The following ADGRB1 variants were observed in gnomAD, a reference collection of about 807,000 sequenced individuals.
ADGRB1 encodes the protein brain-specific angiogenesis inhibitor 1.
Under a neutral mutation model 175.7 loss-of-function variants are expected in ADGRB1, and 36 were observed. That is an observed-to-expected ratio of 0.20 (90% CI 0.16 to 0.27). ADGRB1 has a LOEUF of 0.27. Ranked by LOEUF, ADGRB1 falls within the 10% of genes least tolerant of loss-of-function variation. The pLI is 1.00. For missense variants in ADGRB1, 1,731 were observed against 2,255.3 expected (o/e 0.77, Z 4.71); for synonymous variants, 1,054 against 979.4 (o/e 1.08, Z -1.42).
At position 142,511,251 on chromosome 8, in the gene ADGRB1, G is replaced by A. The variant is rs1266558954; in HGVS notation, c.2817+178G>A. Among the ~76,000 whole-genome samples, 8 of 151,958 alleles carry A rather than the reference G, an allele frequency of 5.3e-5. No individual in the cohort carries two copies. Among genetic ancestry groups the A allele is most frequent in the African/African-American group, 1.7e-4 (7 of 41,414 alleles). ...GTCCATGCGCCTCTGGAGAGGGTGG[G>A]TGGGCGCCGAGCGGGTGGCAGTGTG... On this transcript the variant is annotated intron_variant, in intron 18 of 30. Transcript: ENST00000517894. The surrounding 1 kb of genome is among the most constrained non-coding windows in gnomAD (Gnocchi z 4.5).
chr8:142,475,905 C>CCCGTGGGAGTGGGGGCTGGA lies in ADGRB1; in HGVS notation c.946+284_946+285insGCTGGACCGTGGGAGTGGGG, dbSNP rs1251319931. Among the ~76,000 whole-genome samples, 165 of 152,262 alleles carry CCCGTGGGAGTGGGGGCTGGA rather than the reference C, an allele frequency of 1.1e-3. 2 individuals carry two copies. The highest frequency in any genetic ancestry group is 3.5e-3 in the African/African-American group (147 of 41,550). The stretch of plus-strand genomic sequence containing the variant: ...AAGCAGGACCTAAACTCGGGGCTGG[C>CCCGTGGGAGTGGGGGCTGGA]CCGTGGGAGTGGGGCCTAGCCGGGG... On this transcript the variant is annotated intron_variant, in intron 3 of 30. Coordinates refer to ENST00000517894, the MANE Select transcript of ADGRB1 (RefSeq NM_001702.3).
At chr8:142,513,842 C>T (rs1432693128) in intron 18 of ADGRB1, among the ~76,000 whole-genome samples, 1 of 152,058 alleles carries the variant, frequency 6.6e-6, no homozygotes, top group Non-Finnish European at 1.5e-5. Context: ...CAGGCGTGGG[C>T]TCAGCAGGCA....
At chr8:142,461,868 A>G (rs1405438199) in intron 1 of ADGRB1, among the ~76,000 whole-genome samples, 1 of 152,098 alleles carries the variant, frequency 6.6e-6, no homozygotes, top group Non-Finnish European at 1.5e-5. Flanking sequence ...TGGGTTCAGC[A>G]CCAGGTGGGA....
chr8:142,518,234 G>T lies in ADGRB1; in HGVS notation c.2914G>T (p.Val972Leu). 4 of 1,613,550 alleles carry T rather than the reference G, an allele frequency of 2.5e-6. No homozygotes were observed. The highest frequency in any genetic ancestry group is 3.4e-6 in the Non-Finnish European group (4 of 1,179,744). ...LLMLVIIYVS[V>L]WRYIRSERSV... is the part of the protein sequence containing the mutation. ...CATGCTGGTCATCATCTACGTGTCC[G>T]TGTGGAGGTGGGTGCCGCCCAGGTG... is the stretch of plus-strand genomic sequence containing the variant. Residue 972 changes from valine to leucine, a missense_variant, in exon 19 of 31, where the codon GTG (valine) becomes TTG (leucine). Val to Leu is a conservative substitution (Grantham distance 32). This residue lies in a region of ADGRB1 where 301 missense variants were observed against 488.4 expected (regional missense o/e 0.62). Transcript: ENST00000517894.
chr8:142,486,452 C>T (rs1234557790), intron 13 of ADGRB1, among the ~76,000 whole-genome samples: 1 of 152,190 alleles, frequency 6.6e-6, no homozygotes, highest in Non-Finnish European at 1.5e-5. Context: ...GTAGAAATGT[C>T]CATTTCAATA....
intron 24 of ADGRB1, among the ~76,000 whole-genome samples, chr8:142,529,880 A>G (rs1314027140): frequency 3.4e-5 from 4 of 118,822 alleles, no homozygotes; most frequent in South Asian, 3.0e-4. Flanking sequence ...GTGTGTATAC[A>G]TGTGAACGTG....
rs1843006940 is a variant in ADGRB1 at position 142,510,158 on chromosome 8, G to A, written c.2676-774G>A. On this transcript the variant is annotated intron_variant, in intron 17 of 30. Transcript: ENST00000517894. This position sits in a 1 kb window ranked among gnomAD's most constrained non-coding sequence, Gnocchi z 6.3. Reference sequence around the variant, plus strand: ...TGGAGAGGAGGAGGAGGGGTTTGCAGAGCAGGTCAGTCCCTGGTGCACCAA... The same window carrying A: ...TGGAGAGGAGGAGGAGGGGTTTGCAAAGCAGGTCAGTCCCTGGTGCACCAA... 6.6e-6 allele frequency among the ~76,000 whole-genome samples: 1 copy of A among 152,114 alleles called. No homozygotes were observed. Among genetic ancestry groups the A allele is most frequent in the African/African-American group, 2.4e-5 (1 of 41,400 alleles).
chr8:142,520,381 G>C (rs1843729262), intron 19 of ADGRB1, among the ~76,000 whole-genome samples: 3 of 67,710 alleles, frequency 4.4e-5, no homozygotes, highest in African/African-American at 1.5e-4. Flanking sequence ...GGTGGTGGTG[G>C]TGATGGTAGT....
rs181161381 is a variant in ADGRB1 at position 142,543,818 on chromosome 8, T to C, written c.4557+110T>C. ...TCCATCCATCCATCCATCCATCCAT[T>C]CGTTCATTCATTCATTCATTCGCCC... On this transcript the variant is annotated intron_variant, in intron 30 of 30. Transcript: ENST00000517894. This position sits in a 1 kb window ranked among gnomAD's most constrained non-coding sequence, Gnocchi z 4.4. 401 of 1,097,694 alleles carry C rather than the reference T, an allele frequency of 3.7e-4. No homozygotes were observed. In the African/African-American group the frequency reaches 5.5e-3, roughly 15 times the overall value. 68.0% of individuals were successfully genotyped at this position (1,097,694 alleles called of 1,614,324 possible). A position where few individuals can be genotyped will look rare whatever the true frequency, so the allele number is the denominator to read the frequency against.
intron 17 of ADGRB1, among the ~76,000 whole-genome samples, chr8:142,495,822 G>C (rs1283534372): frequency 6.6e-6 from 1 of 151,586 alleles, no homozygotes; most frequent in Non-Finnish European, 1.5e-5. Context: ...AATCATATTC[G>C]TAGGTTCTGG....
chr8:142,481,694 A>C lies in ADGRB1; in HGVS notation c.2113A>C (p.Thr705Pro). 6.4e-7 allele frequency: 1 copy of C among 1,573,170 alleles called. No homozygotes were observed. Among genetic ancestry groups the C allele is most frequent in the Non-Finnish European group, 8.7e-7 (1 of 1,155,594 alleles). Residue 705 changes from threonine (T) to proline (P), a missense_variant, in exon 11 of 31, where the codon ACC becomes CCC. Coordinates refer to ENST00000517894, the MANE Select transcript of ADGRB1 (RefSeq NM_001702.3). ...EIFRRAYYSP[T>P]PGDVQNFVQI... ...TTTCCGGAGAGCGTACTACAGCCCCACCCCTGGGGACGTACAGGTGGGCTC... is the reference window on the plus strand; with the variant it reads ...TTTCCGGAGAGCGTACTACAGCCCCCCCCCTGGGGACGTACAGGTGGGCTC...
At chr8:142,465,578 G>A (rs1392729300) in intron 2 of ADGRB1, among the ~76,000 whole-genome samples, 3 of 152,082 alleles carry the variant, frequency 2.0e-5, no homozygotes, top group Non-Finnish European at 4.4e-5. Context: ...CTGGGGCCAC[G>A]GCTGCAGCAG....
At chr8:142,535,450 G>A (rs893384466) in intron 25 of ADGRB1, among the ~76,000 whole-genome samples, 1 of 152,218 alleles carries the variant, frequency 6.6e-6, no homozygotes, top group African/African-American at 2.4e-5. Context: ...CCGTGCTGCA[G>A]GGCCTTCAAG....
rs780374577 is a variant in ADGRB1, at chr8:142,543,407, G to A, written c.4418G>A (p.Arg1473Gln). 24 of 1,613,670 alleles carry A rather than the reference G, an allele frequency of 1.5e-5. No individual in the cohort carries two copies. The highest frequency in any genetic ancestry group is 7.7e-5 in the South Asian group (7 of 91,068). Residue 1473 changes from arginine (R) to glutamine (Q), a missense_variant, in exon 29 of 31, where the codon CGG becomes CAG. This residue lies in a region of ADGRB1 where 394 missense variants were observed against 410.2 expected (regional missense o/e 0.96). Transcript: ENST00000517894. This position sits in a 1 kb window ranked among gnomAD's most constrained non-coding sequence, Gnocchi z 4.4. ...GCAAACCCCTTCTCCCTGCAGCGGC[G>A]GAAGTCGCGGTATGCAGAACTGGAC... ...ATLSVSSLERRKSRYAELDFE... is the reference protein window; with the variant it reads ...ATLSVSSLERQKSRYAELDFE...
chr8:142,481,815 C>T (rs1399726825), intron 11 of ADGRB1, 104 bp downstream of exon 11: 1 of 1,039,726 alleles, frequency 9.6e-7, no homozygotes, highest in Non-Finnish European at 1.4e-6. Context: ...CAGCCCAGGC[C>T]CTAACCCATG....
At chr8:142,469,928 C>T (rs370958983) in intron 2 of ADGRB1, among the ~76,000 whole-genome samples, 45 of 152,198 alleles carry the variant, frequency 3.0e-4, no homozygotes, top group African/African-American at 1.0e-3. Context: ...GCGTTGTGCC[C>T]TCGCTGTGGG....
chr8:142,540,740 CCCGAGAGT>C (rs1266154634), intron 27 of ADGRB1, among the ~76,000 whole-genome samples: 1 of 151,846 alleles, frequency 6.6e-6, no homozygotes, highest in Non-Finnish European at 1.5e-5. Context: ...GGACGTGCGT[CCCGAGAGT>C]GCTGTGGCTG....
intron 11 of ADGRB1, among the ~76,000 whole-genome samples, chr8:142,483,398 C>CCCTGACACTGGTCACATGCTGAGT (rs1276335525): frequency 7.0e-6 from 1 of 143,682 alleles, no homozygotes; most frequent in Non-Finnish European, 1.5e-5. Context: ...ACACCCTGAG[C>CCCTGACACTGGTCACATGCTGAGT]CCTGACACTG....
chr8:142,507,360 T>C (rs1240289588), intron 17 of ADGRB1, among the ~76,000 whole-genome samples: 1 of 152,138 alleles, frequency 6.6e-6, no homozygotes, highest in East Asian at 1.9e-4. Context: ...AGGGTCCCAG[T>C]GAACCCCACC....
Sources: gnomAD v4.1 joint callset for allele counts (sites outside exome capture counted in the v4.1 genomes callset) on GRCh38, gnomAD v4.1.1 for gene constraint, gnomAD v4.1.1 regional missense constraint, Gnocchi (gnomAD v3.1) non-coding constraint, MANE v1.5 for transcripts, NCBI Gene and HGNC (gene_info 2026-07-23, HGNC 2026-07-21) for gene names.